The following SYT9 variants were observed in gnomAD, a reference collection of about 807,000 sequenced individuals.
SYT9 encodes synaptotagmin 9.
Under a neutral mutation model 48.4 loss-of-function variants are expected in SYT9, and 22 were observed. The observed-to-expected ratio is 0.45, with a 90% CI of 0.32 to 0.65. The LOEUF is 0.65. Ranked by LOEUF, SYT9 falls within the 30% of genes least tolerant of loss-of-function variation. The pLI is 0.03. For synonymous variants in SYT9, 265 were observed against 245.0 expected (o/e 1.08, Z -0.76); for missense variants, 577 against 622.0 (o/e 0.93, Z 0.77).
At chr11:7,279,144 T>C (rs1306107670) in intron 1 of SYT9, among the ~76,000 whole-genome samples, 1 of 152,114 alleles carries the variant, frequency 6.6e-6, no homozygotes, top group East Asian at 1.9e-4. Context: ...ATGTGGACCC[T>C]AGAAACTCAA....
At chr11:7,407,977 T>C (rs1055203405) in intron 3 of SYT9, among the ~76,000 whole-genome samples, 17 of 152,352 alleles carry the variant, frequency 1.1e-4, no homozygotes, top group African/African-American at 3.6e-4. Flanking sequence ...TCCAGCATTG[T>C]CGTTTTTGTT....
intron 1 of SYT9, among the ~76,000 whole-genome samples, chr11:7,287,687 C>G (rs537353424): frequency 6.6e-6 from 1 of 152,284 alleles, no homozygotes; most frequent in East Asian, 1.9e-4. Context: ...TTACTCATAA[C>G]CTGGCTATTG....
intron 3 of SYT9, among the ~76,000 whole-genome samples, chr11:7,410,194 T>C (rs2134088318): frequency 6.6e-6 from 1 of 152,352 alleles, no homozygotes; most frequent in Non-Finnish European, 1.5e-5. Flanking sequence ...TATTCCATTG[T>C]GACCTGAAGA....
chr11:7,367,066 G>A (rs1042759200), intron 3 of SYT9, among the ~76,000 whole-genome samples: 2 of 127,828 alleles, frequency 1.6e-5, no homozygotes, highest in African/African-American at 2.8e-5. Flanking sequence ...CTTTCCAGGA[G>A]ACCATCTTTT....
intron 2 of SYT9, among the ~76,000 whole-genome samples, chr11:7,311,108 G>C (rs1849124984): frequency 6.6e-6 from 1 of 152,150 alleles, no homozygotes; most frequent in Admixed American, 6.5e-5. Context: ...TTCGAGACCA[G>C]CCTGACCAAC....
chr11:7,360,274 G>A (rs1386542578), intron 3 of SYT9, among the ~76,000 whole-genome samples: 6 of 152,290 alleles, frequency 3.9e-5, no homozygotes, highest in African/African-American at 1.4e-4. Context: ...ATAGTTTGAA[G>A]TCAGGTAGTG....
chr11:7,390,580 T>A (rs1022878088), intron 3 of SYT9, among the ~76,000 whole-genome samples: 1 of 152,192 alleles, frequency 6.6e-6, no homozygotes. Flanking sequence ...TAAAGAAGCA[T>A]AATAAATTCT....
At chr11:7,398,953 C>T (rs1442214883) in intron 3 of SYT9, among the ~76,000 whole-genome samples, 1 of 50,658 alleles carries the variant, frequency 2.0e-5, no homozygotes, top group Non-Finnish European at 7.4e-5. Flanking sequence ...GCAGGCTAGA[C>T]ACACCAAACA....
chr11:7,258,080 C>T (rs1228101061), intron 1 of SYT9, among the ~76,000 whole-genome samples: 1 of 152,156 alleles, frequency 6.6e-6, no homozygotes, highest in Non-Finnish European at 1.5e-5. Flanking sequence ...ATAGATGTTG[C>T]TTTCACTGAA....
intron 1 of SYT9, among the ~76,000 whole-genome samples, chr11:7,278,743 A>T (rs1015906942): frequency 2.6e-5 from 4 of 152,220 alleles, no homozygotes; most frequent in Non-Finnish European, 4.4e-5. Context: ...AAAAACAAGG[A>T]AGATATTTTA....
At chr11:7,306,321 C>G (rs1024847265) in intron 2 of SYT9, among the ~76,000 whole-genome samples, 2 of 152,186 alleles carry the variant, frequency 1.3e-5, no homozygotes, top group African/African-American at 4.8e-5. Flanking sequence ...TTTTCTCAAG[C>G]CTTCTCAAAT....
upstream of SYT9, among the ~76,000 whole-genome samples, chr11:7,250,284 C>T (rs545766197): frequency 6.6e-6 from 1 of 152,312 alleles, no homozygotes; most frequent in South Asian, 2.1e-4. Context: ...TCAGCTAATG[C>T]CTTTGGCCTG....
At chr11:7,245,470 G>A (rs1847781684) in intron 1 of SYT9, among the ~76,000 whole-genome samples, 1 of 147,822 alleles carries the variant, frequency 6.8e-6, no homozygotes. Flanking sequence ...GTTCTATTCC[G>A]TCACCCACCA....
intron 3 of SYT9, among the ~76,000 whole-genome samples, chr11:7,321,675 C>T (rs1387959548): frequency 6.6e-6 from 1 of 152,122 alleles, no homozygotes; most frequent in East Asian, 1.9e-4. Flanking sequence ...AACTCATAGG[C>T]AGTGTGCCCA....
intron 3 of SYT9, among the ~76,000 whole-genome samples, chr11:7,376,370 TCCTCCCC>T (rs1270379281): frequency 1.4e-5 from 2 of 146,402 alleles, no homozygotes; most frequent in African/African-American, 5.1e-5. Flanking sequence ...CCTTCCTTCC[TCCTCCCC>T]TCCCCTCTCC....
At chr11:7,366,332 A>G (rs1850243164) in intron 3 of SYT9, among the ~76,000 whole-genome samples, 1 of 152,160 alleles carries the variant, frequency 6.6e-6, no homozygotes, top group African/African-American at 2.4e-5. Flanking sequence ...ATGTTGGTGT[A>G]TGTACTTGAG....
intron 3 of SYT9, among the ~76,000 whole-genome samples, chr11:7,336,059 A>G (rs1300816215): frequency 6.6e-6 from 1 of 152,110 alleles, no homozygotes; most frequent in Admixed American, 6.5e-5. Context: ...ATGGTATCTC[A>G]TTGGCGTTTT....
At chr11:7,323,444 T>C (rs1351561941) in intron 3 of SYT9, among the ~76,000 whole-genome samples, 1 of 152,100 alleles carries the variant, frequency 6.6e-6, no homozygotes, top group East Asian at 1.9e-4. Context: ...TTATTTTGCT[T>C]GCTCTCCCTA....
chr11:7,299,519 T>A, intron 1 of SYT9, among the ~76,000 whole-genome samples: 1 of 152,304 alleles, frequency 6.6e-6, no homozygotes, highest in African/African-American at 2.4e-5. Context: ...TGCCATTTGC[T>A]ACAATTTAAA....
Sources: gnomAD v4.1 joint callset for allele counts (sites outside exome capture counted in the v4.1 genomes callset) on GRCh38, gnomAD v4.1.1 for gene constraint, MANE v1.5 for transcripts, NCBI Gene and HGNC (gene_info 2026-07-23, HGNC 2026-07-21) for gene names.